Variants in NCOA1 observed in about 807,000 individuals in gnomAD.
NCOA1 encodes the protein Hin-2 protein.
NCOA1 carries 35 observed loss-of-function variants against 150.9 expected under a neutral mutation model. That is an observed-to-expected ratio of 0.23 (90% CI 0.18 to 0.31). The LOEUF is 0.31. Ranked by LOEUF, NCOA1 falls within the 10% of genes least tolerant of loss-of-function variation. The pLI, the probability that NCOA1 is intolerant of heterozygous loss-of-function variation, is 1.00. For synonymous variants in NCOA1, 590 were observed against 630.0 expected (o/e 0.94, Z 0.95); for missense variants, 1,491 against 1,749.3 (o/e 0.85, Z 2.63).
intron 21 of NCOA1, among the ~76,000 whole-genome samples, chr2:24,760,499 C>T (rs6710087): frequency 0.032 from 4,846 of 152,048 alleles, 109 homozygotes; most frequent in East Asian, 0.11. Flanking sequence ...GGCTAATGAG[C>T]TTTTCTATGT....
chr2:24,608,690 CTTG>C (rs1459559944), intron 3 of NCOA1, among the ~76,000 whole-genome samples: 9 of 134,254 alleles, frequency 6.7e-5, no homozygotes, highest in South Asian at 2.4e-4. Context: ...TTGTTTTTTT[CTTG>C]TTGTTGTTGT....
In NCOA1 at chr2:24,768,224, G is replaced by C. The variant is rs1333676330; in HGVS notation, c.4159G>C (p.Val1387Leu). The change falls in exon 23 of 23, where the codon GTG (valine) becomes CTG (leucine). Residue 1387 changes from valine to leucine, a missense_variant. This residue lies in a region of NCOA1 where 46 missense variants were observed against 78.8 expected (regional missense o/e 0.58). Coordinates refer to ENST00000348332, the MANE Select transcript of NCOA1 (RefSeq NM_003743.5). ...ACATCTTTTATTTGTGTTCCAGCAGGTGCAACAGGTTCAGGTGTTTGCTGA... is the reference window on the plus strand; with the variant it reads ...ACATCTTTTATTTGTGTTCCAGCAGCTGCAACAGGTTCAGGTGTTTGCTGA... ...LKTEADGTQQ[V>L]QQVQVFADVQ... 1 of 1,611,460 alleles carries C rather than the reference G, an allele frequency of 6.2e-7. No homozygotes were observed. Among genetic ancestry groups the C allele is most frequent in the Non-Finnish European group, 8.5e-7 (1 of 1,178,000 alleles).
chr2:24,580,730 AGCT>A (rs1667160891), intron 2 of NCOA1, among the ~76,000 whole-genome samples: 1 of 152,116 alleles, frequency 6.6e-6, no homozygotes, highest in African/African-American at 2.4e-5. Flanking sequence ...TTTTTGTGAC[AGCT>A]GCTTAAACAT....
At chr2:24,557,685 T>C (rs1666129031) in intron 1 of NCOA1, among the ~76,000 whole-genome samples, 1 of 152,152 alleles carries the variant, frequency 6.6e-6, no homozygotes, top group Non-Finnish European at 1.5e-5. Context: ...AAGCCCTTTA[T>C]TGTCGAAAAG....
chr2:24,535,259 C>G (rs1276829014), intron 1 of NCOA1, among the ~76,000 whole-genome samples: 1 of 152,044 alleles, frequency 6.6e-6, no homozygotes, highest in Non-Finnish European at 1.5e-5. Context: ...TTATCAGAGA[C>G]TAGGATTGCA....
Position 24,639,928 on chromosome 2 carries a change from AT to A in NCOA1, c.-174-4037del, listed in dbSNP as rs1670119458. Among the ~76,000 whole-genome samples the A allele has an allele frequency of 1.1e-4, 2 of 17,506 alleles. 1 individual carries two copies. The highest frequency in any genetic ancestry group is 4.0e-4 in the African/African-American group (2 of 5,060). The allele number at this position is 17,506 out of a possible 152,430, so 11.5% of individuals were successfully genotyped here. ...AGTATGTGTGTGTGTATATATATAT[AT>A]ATATATATATATATATATATATATA... On this transcript the variant is annotated intron_variant, in intron 3 of 22. Coordinates refer to ENST00000348332, the MANE Select transcript of NCOA1 (RefSeq NM_003743.5).
intron 1 of NCOA1, among the ~76,000 whole-genome samples, chr2:24,563,275 A>G (rs1211780802): frequency 6.6e-6 from 1 of 152,204 alleles, no homozygotes; most frequent in Non-Finnish European, 1.5e-5. Context: ...GGGCATGTAA[A>G]TAGGACAGAG....
intron 1 of NCOA1, among the ~76,000 whole-genome samples, chr2:24,514,787 A>G (rs1028643139): frequency 1.3e-5 from 2 of 152,048 alleles, no homozygotes; most frequent in Non-Finnish European, 2.9e-5. Context: ...AAAAAACAAG[A>G]AAAAAAAGTA....
intron 19 of NCOA1, among the ~76,000 whole-genome samples, chr2:24,744,824 C>A (rs527769304): frequency 6.6e-6 from 1 of 152,282 alleles, no homozygotes; most frequent in Admixed American, 6.5e-5. Context: ...TGGCTGGTTT[C>A]ATATAGAAGA....
chr2:24,525,388 G>C lies in NCOA1; in HGVS notation c.-396+33786G>C, dbSNP rs756030535. On this transcript the variant is annotated intron_variant, in intron 1 of 22. Transcript: ENST00000348332. ...TGACTAGCATACAGATAAAATCAAG[G>C]ATACAGAGAACAAGGGTGGCATATT... is the stretch of plus-strand genomic sequence containing the variant. Among the ~76,000 whole-genome samples the C allele has an allele frequency of 3.3e-5, 5 of 152,078 alleles. No homozygotes were observed. In the East Asian group the frequency reaches 9.6e-4, roughly 29 times the overall value.
At chr2:24,749,248 C>T (rs1664096702) in intron 19 of NCOA1, among the ~76,000 whole-genome samples, 1 of 152,114 alleles carries the variant, frequency 6.6e-6, no homozygotes, top group African/African-American at 2.4e-5. Context: ...GAGGGAGAAT[C>T]CAACAGGAGC....
At chr2:24,600,563 T>C (rs970779202) in intron 3 of NCOA1, among the ~76,000 whole-genome samples, 3 of 152,232 alleles carry the variant, frequency 2.0e-5, no homozygotes, top group African/African-American at 7.2e-5. Flanking sequence ...TTGTTACTTA[T>C]ACTGTGTATG....
At chr2:24,745,252 C>T (rs1310635453) in intron 19 of NCOA1, among the ~76,000 whole-genome samples, 3 of 151,106 alleles carry the variant, frequency 2.0e-5, no homozygotes, top group African/African-American at 7.3e-5. Flanking sequence ...ACCTCCACCT[C>T]CCGGGTTCAC....
intron 1 of NCOA1, among the ~76,000 whole-genome samples, chr2:24,515,789 T>C (rs1664137291): frequency 6.6e-6 from 1 of 152,206 alleles, no homozygotes; most frequent in African/African-American, 2.4e-5. Flanking sequence ...CGTAATACTA[T>C]CCCTAAACAA....
chr2:24,726,139 T>G (rs1674608208), intron 14 of NCOA1, among the ~76,000 whole-genome samples: 1 of 152,210 alleles, frequency 6.6e-6, no homozygotes, highest in Non-Finnish European at 1.5e-5. Flanking sequence ...TGTGTTCATT[T>G]GCTGCATGGC....
chr2:24,654,231 C>T (rs1670828094), intron 4 of NCOA1, among the ~76,000 whole-genome samples: 1 of 152,108 alleles, frequency 6.6e-6, no homozygotes, highest in South Asian at 2.1e-4. Context: ...TGTTGCAAGT[C>T]TGGTATATTT....
intron 3 of NCOA1, among the ~76,000 whole-genome samples, chr2:24,605,101 C>T (rs1668303965): frequency 2.0e-5 from 3 of 151,930 alleles, no homozygotes; most frequent in Admixed American, 2.0e-4. Context: ...TTCATGGTGC[C>T]CCAAAACAAT....
At position 24,741,909 on chromosome 2, in the gene NCOA1, C is replaced by T. The variant is rs1046684212; in HGVS notation, c.3429C>T (p.Asn1143=). The change falls in exon 19 of 23, where the codon AAC becomes AAT. Residue 1143 remains asparagine, a synonymous_variant. Coordinates refer to ENST00000348332, the MANE Select transcript of NCOA1 (RefSeq NM_003743.5). ...MLMRQQSFGN[N]LPPSSGLPVQ... ...TGAGGCAGCAAAGCTTTGGGAACAA[C>T]CTCCCTCCCTCATCTGGACTACCAG... 9 of 1,614,092 alleles carry T rather than the reference C, an allele frequency of 5.6e-6. No individual in the cohort carries two copies. The highest frequency in any genetic ancestry group is 1.3e-5 in the African/African-American group (1 of 74,922).
chr2:24,602,785 C>G (rs768549529), intron 3 of NCOA1, among the ~76,000 whole-genome samples: 36 of 152,082 alleles, frequency 2.4e-4, no homozygotes, highest in Non-Finnish European at 2.9e-5. Flanking sequence ...TTAATGTGAA[C>G]TAAGCAGTGT....
Sources: gnomAD v4.1 joint callset for allele counts (sites outside exome capture counted in the v4.1 genomes callset) on GRCh38, gnomAD v4.1.1 for gene constraint, gnomAD v4.1.1 regional missense constraint, MANE v1.5 for transcripts, NCBI Gene and HGNC (gene_info 2026-07-23, HGNC 2026-07-21) for gene names.